Variants in NRG1 observed in about 807,000 individuals in gnomAD.
The protein encoded by NRG1 is neuregulin 1.
NRG1 carries 18 observed loss-of-function variants against 63.8 expected under a neutral mutation model. The observed-to-expected ratio is 0.28, with a 90% CI of 0.19 to 0.42. The LOEUF (loss-of-function observed/expected upper bound fraction) is 0.42. NRG1 is among the 10% of genes least tolerant of loss of function. The pLI, the probability that NRG1 is intolerant of heterozygous loss-of-function variation, is 1.00. For synonymous variants in NRG1, 302 were observed against 301.3 expected (o/e 1.00, Z -0.02); for missense variants, 762 against 814.7 (o/e 0.94, Z 0.79).
chr8:31,787,810 G>A (rs1032804074), intron 1 of NRG1, among the ~76,000 whole-genome samples: 11 of 151,974 alleles, frequency 7.2e-5, no homozygotes, highest in South Asian at 2.1e-4. Context: ...AATTTCATGC[G>A]GTTTTACAGC....
At chr8:32,139,767 A>G (rs1047111601) in intron 1 of NRG1, among the ~76,000 whole-genome samples, 1 of 152,204 alleles carries the variant, frequency 6.6e-6, no homozygotes, top group Non-Finnish European at 1.5e-5. Context: ...GAAATAAAAT[A>G]AAAAGGTAAG....
chr8:31,960,351 T>C (rs1450812170), intron 1 of NRG1, among the ~76,000 whole-genome samples: 2 of 151,960 alleles, frequency 1.3e-5, no homozygotes, highest in African/African-American at 4.8e-5. Flanking sequence ...AGGGAGTGAG[T>C]GAGGAGGGAG....
intron 1 of NRG1, among the ~76,000 whole-genome samples, chr8:32,577,000 G>A (rs1170879891): frequency 6.6e-6 from 1 of 151,994 alleles, no homozygotes; most frequent in African/African-American, 2.4e-5. Flanking sequence ...AGTCCCCAGT[G>A]TCTGTTTTTG....
At chr8:32,756,658 G>A in intron 9 of NRG1, 129 bp downstream of exon 9, 1 of 1,309,174 alleles carries the variant, frequency 7.6e-7, no homozygotes, top group Non-Finnish European at 1.0e-6. Flanking sequence ...AGGAATCCAG[G>A]TTTTTGCCAG....
chr8:32,100,247 A>T (rs1490177642), intron 1 of NRG1, among the ~76,000 whole-genome samples: 1 of 152,206 alleles, frequency 6.6e-6, no homozygotes, highest in Non-Finnish European at 1.5e-5. Context: ...AAGTGTACTG[A>T]GAGATTTCTT....
chr8:32,770,923 G>C (rs1037683322), downstream of NRG1, among the ~76,000 whole-genome samples: 1 of 152,094 alleles, frequency 6.6e-6, no homozygotes, highest in African/African-American at 2.4e-5. Context: ...TTGGAATCTA[G>C]GTTTCTCAGT....
At chr8:31,805,583 C>T (rs1319671541) in intron 1 of NRG1, among the ~76,000 whole-genome samples, 2 of 151,956 alleles carry the variant, frequency 1.3e-5, no homozygotes, top group Non-Finnish European at 2.9e-5. Flanking sequence ...AATCCCAGCA[C>T]TTTGGGAGGC....
At chr8:32,172,913 T>A (rs1206529714) in intron 1 of NRG1, among the ~76,000 whole-genome samples, 1 of 152,116 alleles carries the variant, frequency 6.6e-6, no homozygotes, top group Non-Finnish European at 1.5e-5. Flanking sequence ...TCGAAAACAC[T>A]CTGCAGGATA....
intron 1 of NRG1, among the ~76,000 whole-genome samples, chr8:31,940,142 A>G (rs1801538702): frequency 6.6e-6 from 1 of 152,156 alleles, no homozygotes; most frequent in Admixed American, 6.5e-5. Flanking sequence ...GATAGACCAT[A>G]TGATAGGCCA....
intron 1 of NRG1, among the ~76,000 whole-genome samples, chr8:32,397,142 A>G (rs1174974971): frequency 6.6e-6 from 1 of 152,186 alleles, no homozygotes; most frequent in East Asian, 1.9e-4. Flanking sequence ...ATAGGTAGAT[A>G]GATACATAGA....
exon 11 of NRG1, chr8:32,760,228 C>T: frequency 6.2e-7 from 1 of 1,614,038 alleles, no homozygotes; most frequent in African/African-American, 1.3e-5. Flanking sequence ...TGAAAGCATC[C>T]TTTCCGAAAG....
intron 1 of NRG1, among the ~76,000 whole-genome samples, chr8:32,341,281 C>T (rs147248910): frequency 7.9e-4 from 120 of 152,312 alleles, no homozygotes; most frequent in African/African-American, 2.4e-3. Flanking sequence ...CTAGAACATA[C>T]TTCTTTCAGA....
chr8:31,967,272 C>G (rs1806508863), intron 1 of NRG1, among the ~76,000 whole-genome samples: 1 of 152,150 alleles, frequency 6.6e-6, no homozygotes, highest in Non-Finnish European at 1.5e-5. Flanking sequence ...CTCCTCCACG[C>G]CCTCTTTCTC....
chr8:31,968,574 A>T (rs1392791977), intron 1 of NRG1, among the ~76,000 whole-genome samples: 1 of 152,208 alleles, frequency 6.6e-6, no homozygotes, highest in Non-Finnish European at 1.5e-5. Flanking sequence ...AGAACAGGAC[A>T]TGACATATAG....
chr8:32,741,641 G>A (rs993878028), intron 6 of NRG1, among the ~76,000 whole-genome samples: 1 of 152,168 alleles, frequency 6.6e-6, no homozygotes, highest in Non-Finnish European at 1.5e-5. Flanking sequence ...ATGGAATCAT[G>A]TTAGCGCTTA....
rs1174950316 is a variant in NRG1 at position 32,280,691 on chromosome 8, G to GTT, written c.38-315115_38-315114dup. On this transcript the variant is annotated intron_variant, in intron 1 of 10. Transcript: ENST00000519301. Reference sequence around the variant, plus strand: ...TGCAACTGAATTAGGTTTTTTTTTTGTTTTTTTTTTTTTTTTTTTTTTTCA... The same window carrying GTT: ...TGCAACTGAATTAGGTTTTTTTTTTGTTTTTTTTTTTTTTTTTTTTTTTTTCA... 9.9e-3 allele frequency among the ~76,000 whole-genome samples: 569 copies of GTT among 57,576 alleles called. 14 individuals are homozygous for GTT. The highest frequency in any genetic ancestry group is 0.029 in the African/African-American group (519 of 18,020). The allele number at this position is 57,576 out of a possible 152,430, so 37.8% of individuals were successfully genotyped here.
chr8:32,693,214 CTT>C (rs34318329), intron 5 of NRG1, among the ~76,000 whole-genome samples: 10 of 138,576 alleles, frequency 7.2e-5, no homozygotes, highest in African/African-American at 2.1e-4. Flanking sequence ...ATGGGTCACT[CTT>C]TTTTTTTTTT....
At chr8:32,397,242 T>C (rs543423059) in intron 1 of NRG1, among the ~76,000 whole-genome samples, 2 of 152,300 alleles carry the variant, frequency 1.3e-5, no homozygotes, top group South Asian at 2.1e-4. Flanking sequence ...GAAGGACAAA[T>C]TGGATCCCTG....
intron 1 of NRG1, among the ~76,000 whole-genome samples, chr8:31,971,918 T>C (rs1266646504): frequency 6.6e-6 from 1 of 152,110 alleles, no homozygotes; most frequent in Non-Finnish European, 1.5e-5. Flanking sequence ...GAAGCCCAAA[T>C]TTCTTACTTG....
Sources: allele counts gnomAD v4.1 joint callset (sites outside exome capture counted in the v4.1 genomes callset), GRCh38; gene constraint gnomAD v4.1.1; transcripts MANE v1.5; gene names NCBI Gene and HGNC (gene_info 2026-07-23, HGNC 2026-07-21).